Variants in PCDH11X observed in about 807,000 individuals in gnomAD.
The protein encoded by PCDH11X is protocadherin-11 X-linked.
Under a neutral mutation model 53.3 loss-of-function variants are expected in PCDH11X, and 18 were observed. The ratio of observed to expected loss-of-function variants is 0.34; its 90% CI spans 0.23 to 0.50. The LOEUF (loss-of-function observed/expected upper bound fraction) is 0.50. Among genes scored for constraint, PCDH11X ranks in the 20% least tolerant of loss-of-function variants. The pLI is 0.98. For synonymous variants in PCDH11X, 279 were observed against 393.3 expected (o/e 0.71, Z 3.44); for missense variants, 570 against 1,032.4 (o/e 0.55, Z 6.14).
chrX:92,217,996 T>C (rs1301590830), intron 7 of PCDH11X, among the ~76,000 whole-genome samples: 4 of 108,192 alleles, frequency 3.7e-5, no homozygotes, highest in Non-Finnish European at 7.7e-5. Context: ...AGATGTTCTT[T>C]GAAACCAATG....
intron 6 of PCDH11X, among the ~76,000 whole-genome samples, chrX:92,060,812 T>C (rs992007730): frequency 9.0e-6 from 1 of 111,681 alleles, no homozygotes; most frequent in Non-Finnish European, 1.9e-5. Context: ...GTCCTTATGG[T>C]AGAACAATTT....
At chrX:91,973,361 C>T (rs1340961840) in intron 6 of PCDH11X, among the ~76,000 whole-genome samples, 4 of 101,576 alleles carry the variant, frequency 3.9e-5, no homozygotes, top group East Asian at 3.2e-4. Context: ...GTGGGTGCAG[C>T]GCACCAGCAT....
At chrX:92,505,824 A>G (rs1462180132) in intron 10 of PCDH11X, among the ~76,000 whole-genome samples, 7 of 111,273 alleles carry the variant, frequency 6.3e-5, no homozygotes, top group Non-Finnish European at 9.4e-5. Flanking sequence ...GTGCTGTGTC[A>G]TCTCTGATTT....
intron 9 of PCDH11X, among the ~76,000 whole-genome samples, chrX:92,427,845 T>C: frequency 2.4e-5 from 1 of 41,419 alleles, no homozygotes; most frequent in Non-Finnish European, 4.2e-5. Context: ...TGACATATAA[T>C]CTAAATTATA....
chrX:91,960,846 A>G (rs893442073), intron 6 of PCDH11X, among the ~76,000 whole-genome samples: 9 of 111,416 alleles, frequency 8.1e-5, no homozygotes, highest in African/African-American at 2.9e-4. Context: ...TGAAGAGACA[A>G]TCCTTTTGCC....
intron 7 of PCDH11X, among the ~76,000 whole-genome samples, chrX:92,219,233 A>G (rs1208315950): frequency 9.0e-6 from 1 of 110,940 alleles, no homozygotes; most frequent in Non-Finnish European, 1.9e-5. Context: ...AGTGTATTCA[A>G]TTAGGAAAAG....
intron 6 of PCDH11X, among the ~76,000 whole-genome samples, chrX:92,005,705 T>C (rs1425703440): frequency 1.8e-5 from 2 of 111,824 alleles, no homozygotes; most frequent in African/African-American, 6.5e-5. Context: ...AGGTTTTGTA[T>C]TTTCAGGTGA....
chrX:92,097,339 G>T (rs1366541929), intron 6 of PCDH11X, among the ~76,000 whole-genome samples: 2 of 107,280 alleles, frequency 1.9e-5, no homozygotes, highest in African/African-American at 6.8e-5. Context: ...TTGAGCCCAG[G>T]ATGTCATGGC....
intron 8 of PCDH11X, among the ~76,000 whole-genome samples, chrX:92,284,808 A>G (rs1231908349): frequency 7.1e-5 from 8 of 112,200 alleles, no homozygotes; most frequent in African/African-American, 2.6e-4. Context: ...TTGTTGCAGA[A>G]GCATCTAAAA....
chrX:91,850,815 G>A (rs1237979588), intron 5 of PCDH11X, among the ~76,000 whole-genome samples: 4 of 109,929 alleles, frequency 3.6e-5, no homozygotes, highest in Admixed American at 2.9e-4. Flanking sequence ...ATTATTCAAA[G>A]TAGATCATAA....
At chrX:92,444,777 A>G (rs1418029718) in intron 9 of PCDH11X, among the ~76,000 whole-genome samples, 1 of 104,113 alleles carries the variant, frequency 9.6e-6, no homozygotes, top group Non-Finnish European at 2.0e-5. Flanking sequence ...TTTAATCAAA[A>G]GCTTTTTCTG....
intron 7 of PCDH11X, among the ~76,000 whole-genome samples, chrX:92,217,982 A>G (rs930457008): frequency 9.2e-6 from 1 of 108,709 alleles, no homozygotes; most frequent in Non-Finnish European, 1.9e-5. Context: ...GAAGGCAGAA[A>G]TAAAGATGTT....
chrX:91,791,986 C>T (rs1330172553), intron 1 of PCDH11X, among the ~76,000 whole-genome samples: 2 of 108,241 alleles, frequency 1.8e-5, no homozygotes, highest in East Asian at 2.9e-4. Flanking sequence ...CTCAGCCTCC[C>T]GAGTAGCTGG....
intron 6 of PCDH11X, among the ~76,000 whole-genome samples, chrX:92,003,515 T>A (rs2062546575): frequency 9.3e-6 from 1 of 107,180 alleles, no homozygotes; most frequent in Non-Finnish European, 1.9e-5. Flanking sequence ...CCAGGCTTTT[T>A]TTTTTTTTCT....
chrX:91,894,998 C>T (rs1470512087), intron 6 of PCDH11X, among the ~76,000 whole-genome samples: 7 of 110,933 alleles, frequency 6.3e-5, no homozygotes, highest in Non-Finnish European at 9.4e-5. Context: ...TAGGGGCATG[C>T]ACCTTGACTC....
At chrX:92,046,056 G>A (rs1237193803) in intron 6 of PCDH11X, among the ~76,000 whole-genome samples, 3 of 111,455 alleles carry the variant, frequency 2.7e-5, no homozygotes, top group African/African-American at 9.8e-5. Flanking sequence ...ATACACCAAC[G>A]ATGGTGTGCT....
At chrX:91,823,826 C>T (rs1485700250) in intron 4 of PCDH11X, among the ~76,000 whole-genome samples, 1 of 110,987 alleles carries the variant, frequency 9.0e-6, no homozygotes, top group Non-Finnish European at 1.9e-5. Flanking sequence ...TTGTTCCTTT[C>T]CATATTTAGC....
intron 6 of PCDH11X, among the ~76,000 whole-genome samples, chrX:92,106,718 A>G (rs1318578367): frequency 8.9e-6 from 1 of 112,038 alleles, no homozygotes; most frequent in Admixed American, 9.5e-5. Flanking sequence ...AGTTAACAAG[A>G]TATCACTTAC....
chrX:92,042,367 A>T (rs1374724626), intron 6 of PCDH11X, among the ~76,000 whole-genome samples: 3 of 102,448 alleles, frequency 2.9e-5, no homozygotes, highest in Non-Finnish European at 5.8e-5. Flanking sequence ...ATCTGTGTTA[A>T]ATGAATATGT....
Sources: allele counts gnomAD v4.1 joint callset (sites outside exome capture counted in the v4.1 genomes callset), GRCh38; gene constraint gnomAD v4.1.1; transcripts MANE v1.5; gene names NCBI Gene and HGNC (gene_info 2026-07-23, HGNC 2026-07-21).